The following TENM3 variants were observed in gnomAD, a reference collection of about 807,000 sequenced individuals.
TENM3 encodes the protein teneurin transmembrane protein 3.
TENM3 carries 63 observed loss-of-function variants against 255.1 expected under a neutral mutation model. That is an observed-to-expected ratio of 0.25 (90% CI 0.20 to 0.30). TENM3 has a LOEUF of 0.30. Ranked by LOEUF, TENM3 falls within the 10% of genes least tolerant of loss-of-function variation. TENM3 has a pLI of 1.00. For missense variants in TENM3, 2,929 were observed against 3,461.1 expected (o/e 0.85, Z 3.86); for synonymous variants, 1,306 against 1,322.3 (o/e 0.99, Z 0.27).
the TENM3 span, among the ~76,000 whole-genome samples, chr4:181,985,224 A>C: frequency 6.6e-6 from 1 of 151,988 alleles, no homozygotes. Flanking sequence ...AGAAAAAAAA[A>C]ACACATTTTA....
chr4:181,608,395 G>A, the TENM3 span, among the ~76,000 whole-genome samples: 1 of 152,156 alleles, frequency 6.6e-6, no homozygotes, highest in Non-Finnish European at 1.5e-5. Flanking sequence ...ATTGGAGGGG[G>A]TCCAAAGTTG....
Position 182,800,157 on chromosome 4 carries a change from G to A in TENM3, c.7906G>A (p.Glu2636Lys). The A allele has an allele frequency of 6.8e-7, 1 of 1,463,476 alleles. No individual in the cohort carries two copies. The highest frequency in any genetic ancestry group is 8.9e-7 in the Non-Finnish European group (1 of 1,117,588). 90.7% of individuals were successfully genotyped at this position (1,463,476 alleles called of 1,614,324 possible). A position where few individuals can be genotyped will look rare whatever the true frequency, so the allele number is the denominator to read the frequency against. The change falls in exon 28 of 28, where the codon GAG (glutamate) becomes AAG (lysine). Residue 2636 changes from glutamate to lysine, a missense_variant. Physicochemically the swap from Glu to Lys is moderately conservative, Grantham distance 56. Around this residue, in one of 6 missense-constraint regions of TENM3, gnomAD observed 476 missense variants for 480.1 expected, o/e 0.99. Coordinates refer to ENST00000511685, the MANE Select transcript of TENM3 (RefSeq NM_001080477.4). Reference sequence around the variant, plus strand: ...CGCGCTCGCCCGGGCCTGGGCGCGCGAGCAGCAGCGCGTGCGCGACGGCGA... The same window carrying A: ...CGCGCTCGCCCGGGCCTGGGCGCGCAAGCAGCAGCGCGTGCGCGACGGCGA... ...QRALARAWAR[E>K]QQRVRDGEEG...
At chr4:182,352,542 A>G (rs1283740009) in intron 3 of TENM3, among the ~76,000 whole-genome samples, 3 of 152,084 alleles carry the variant, frequency 2.0e-5, no homozygotes, top group African/African-American at 7.2e-5. Flanking sequence ...CTGTTGTCGG[A>G]CCCCACTAAT....
chr4:181,945,592 A>G, the TENM3 span, among the ~76,000 whole-genome samples: 1 of 151,836 alleles, frequency 6.6e-6, no homozygotes, highest in East Asian at 1.9e-4. Flanking sequence ...CTTGTGTATG[A>G]GGTTGGGGCA....
chr4:181,800,595 T>G, the TENM3 span, among the ~76,000 whole-genome samples: 8 of 152,246 alleles, frequency 5.3e-5, no homozygotes, highest in East Asian at 1.5e-3. Context: ...ATTGCACCAC[T>G]GCACTCCAGC....
chr4:182,554,310 C>A (rs1742370447), intron 3 of TENM3, among the ~76,000 whole-genome samples: 1 of 152,104 alleles, frequency 6.6e-6, no homozygotes, highest in Non-Finnish European at 1.5e-5. Context: ...TTTAAATATT[C>A]CAACTTTTGC....
chr4:182,737,790 A>G (rs908747285), intron 17 of TENM3, among the ~76,000 whole-genome samples: 6 of 152,208 alleles, frequency 3.9e-5, no homozygotes, highest in African/African-American at 7.2e-5. Flanking sequence ...AATTAGTTCA[A>G]ATCAATCCAG....
At chr4:182,117,306 T>G in the TENM3 span, among the ~76,000 whole-genome samples, 8 of 152,216 alleles carry the variant, frequency 5.3e-5, no homozygotes, top group African/African-American at 1.9e-4. Context: ...AGCTTATCAA[T>G]TCTTTCTTGA....
At position 182,223,865 on chromosome 4, in the gene TENM3, C is replaced by G. The variant is rs73871886; in HGVS notation, c.-76+79111C>G. ...TACCACTTGGCAGCTAAAGGATTGC[C>G]CTCCGTGTGTGACTAAAAGCAGTGG... On this transcript the variant is annotated intron_variant, in intron 1 of 2. Transcript: ENST00000512480. Among the ~76,000 whole-genome samples the G allele has an allele frequency of 2.2e-3, 336 of 151,338 alleles. 3 individuals are homozygous for G. Among genetic ancestry groups the G allele is most frequent in the African/African-American group, 7.5e-3 (308 of 41,238 alleles).
chr4:181,579,911 G>C, the TENM3 span, among the ~76,000 whole-genome samples: 1 of 151,448 alleles, frequency 6.6e-6, no homozygotes, highest in African/African-American at 2.4e-5. Flanking sequence ...TGCCACTATG[G>C]TTCTCTAGGA....
chr4:181,874,432 T>C, the TENM3 span: 1 of 152,252 alleles, frequency 6.6e-6, no homozygotes, highest in Non-Finnish European at 1.5e-5. Flanking sequence ...CATACGCACA[T>C]ACCTGTTGTT....
At chr4:181,635,995 A>G in the TENM3 span, among the ~76,000 whole-genome samples, 8 of 152,122 alleles carry the variant, frequency 5.3e-5, no homozygotes, top group Non-Finnish European at 1.2e-4. Context: ...ATAAACATAC[A>G]TGTATATATA....
At chr4:181,682,697 A>G in the TENM3 span, among the ~76,000 whole-genome samples, 1 of 152,212 alleles carries the variant, frequency 6.6e-6, no homozygotes, top group Non-Finnish European at 1.5e-5. Context: ...GTGGTTAAAA[A>G]TAAGTAGAAT....
intron 3 of TENM3, among the ~76,000 whole-genome samples, chr4:182,458,033 C>T (rs1306444679): frequency 1.3e-5 from 2 of 152,180 alleles, no homozygotes; most frequent in African/African-American, 4.8e-5. Flanking sequence ...ATGTTACAAA[C>T]ATTCTCATAT....
intron 1 of TENM3, among the ~76,000 whole-genome samples, chr4:182,299,382 A>G (rs940194998): frequency 6.6e-6 from 1 of 152,238 alleles, no homozygotes; most frequent in Non-Finnish European, 1.5e-5. Context: ...AAGTGGGGAA[A>G]GGAAAAGGAA....
At chr4:182,508,880 A>G (rs1737095677) in intron 3 of TENM3, among the ~76,000 whole-genome samples, 1 of 152,250 alleles carries the variant, frequency 6.6e-6, no homozygotes, top group African/African-American at 2.4e-5. Context: ...CTCAACTCCA[A>G]CAGAGAAATA....
At chr4:181,988,560 A>T in the TENM3 span, among the ~76,000 whole-genome samples, 1 of 152,058 alleles carries the variant, frequency 6.6e-6, no homozygotes. Context: ...AATATTACCT[A>T]ATATTAGTTG....
At chr4:181,526,660 AGTGATGGTG>A in the TENM3 span, among the ~76,000 whole-genome samples, 56 of 139,852 alleles carry the variant, frequency 4.0e-4, no homozygotes, top group African/African-American at 1.5e-3. Flanking sequence ...TAGTGGTGGT[AGTGATGGTG>A]GTGATGGTGG....
chr4:181,904,228 C>T, the TENM3 span, among the ~76,000 whole-genome samples: 1 of 152,098 alleles, frequency 6.6e-6, no homozygotes, highest in Non-Finnish European at 1.5e-5. Context: ...ACTATCAGTC[C>T]TCACATGATC....
Sources: allele counts gnomAD v4.1 joint callset (sites outside exome capture counted in the v4.1 genomes callset), GRCh38; gene constraint gnomAD v4.1.1; regional missense constraint gnomAD v4.1.1; transcripts MANE v1.5; gene names NCBI Gene and HGNC (gene_info 2026-07-23, HGNC 2026-07-21).